The following KANTR variants were observed in gnomAD, a reference collection of about 807,000 sequenced individuals.
The protein encoded by KANTR is KDM5C adjacent transcript.
chrX:53,107,992 C>T (rs1932975441), intron 2 of KANTR, among the ~76,000 whole-genome samples: 1 of 108,786 alleles, frequency 9.2e-6, no homozygotes. Flanking sequence ...TGGGTTCAAG[C>T]GATTCTCCTG....
In KANTR at chrX:53,098,073, AAG is replaced by A. The variant is rs1315052079; in HGVS notation, c.-941-1397_-941-1396del. 1.9e-4 allele frequency among the ~76,000 whole-genome samples: 21 copies of A among 108,119 alleles called. No homozygotes were observed. The South Asian group carries it at 2.0e-3, about 10-fold the overall frequency. 93.9% of individuals were successfully genotyped at this position (108,119 alleles called of 115,157 possible). ...CTCAAAAAAAAAAAAAAAAAAAAGA[AAG>A]AAAGAAATTATATAATTACAGTGTA... On this transcript the variant is annotated intron_variant, in intron 1 of 2. Transcript: ENST00000604062.
chrX:53,124,182 G>C, exon 3 of KANTR: 1 of 292,162 alleles, frequency 3.4e-6, no homozygotes. Context: ...TAAGATAACA[G>C]TTTTCTAGGA....
chrX:53,123,619 C>CTT (rs1933254546), exon 3 of KANTR: 1 of 111,085 alleles, frequency 9.0e-6, no homozygotes, highest in African/African-American at 3.3e-5. Context: ...GAAGCCCCTC[C>CTT]TTGGCCTCCC....
intron 2 of KANTR, among the ~76,000 whole-genome samples, chrX:53,111,257 A>T (rs1215914533): frequency 9.1e-6 from 1 of 109,564 alleles, no homozygotes; most frequent in East Asian, 2.9e-4. Flanking sequence ...CTTGAACTCA[A>T]GCAGTCCTCC....
intron 1 of KANTR, chrX:53,094,636 C>G (rs1268523146): frequency 1.8e-5 from 2 of 111,584 alleles, no homozygotes; most frequent in African/African-American, 3.3e-5. Context: ...TGTCTCTGTC[C>G]CACTTTTTGA....
At chrX:53,095,305 C>T (rs782582937) in intron 1 of KANTR, among the ~76,000 whole-genome samples, 6 of 111,948 alleles carry the variant, frequency 5.4e-5, no homozygotes, top group South Asian at 7.4e-4. Context: ...TATTTCCATC[C>T]TGAAATCCTT....
exon 3 of KANTR, chrX:53,124,206 G>T: frequency 1.4e-5 from 4 of 279,043 alleles, no homozygotes; most frequent in Non-Finnish European, 2.5e-5. Context: ...GGTCCATTTT[G>T]TCTGCATTTT....
intron 2 of KANTR, among the ~76,000 whole-genome samples, chrX:53,106,026 T>G (rs1556812749): frequency 9.6e-6 from 1 of 104,472 alleles, no homozygotes; most frequent in Non-Finnish European, 1.9e-5. Flanking sequence ...CCCAGCTAAT[T>G]TTTTGTATTT....
chrX:53,098,961 G>C (rs782129437), intron 1 of KANTR, among the ~76,000 whole-genome samples: 1 of 111,175 alleles, frequency 9.0e-6, no homozygotes, highest in Non-Finnish European at 1.9e-5. Context: ...CTGGCCTCAA[G>C]TAATCCTCCT....
downstream of KANTR, among the ~76,000 whole-genome samples, chrX:53,144,877 A>T (rs1933552016): frequency 8.9e-6 from 1 of 111,928 alleles, no homozygotes; most frequent in East Asian, 2.8e-4. Context: ...TGTAAATCTC[A>T]GTTCAGCCAC....
At chrX:53,134,651 A>AT (rs1485479108) in intron 2 of KANTR, among the ~76,000 whole-genome samples, 1 of 112,082 alleles carries the variant, frequency 8.9e-6, no homozygotes, top group Non-Finnish European at 1.9e-5. Context: ...ATCAGAACAC[A>AT]TAGAATAAAA....
At chrX:53,097,211 A>G (rs1932850757) in intron 1 of KANTR, among the ~76,000 whole-genome samples, 1 of 110,205 alleles carries the variant, frequency 9.1e-6, no homozygotes, top group African/African-American at 3.3e-5. Flanking sequence ...TTCCCTGAAC[A>G]CTCTGTCCTC....
intron 2 of KANTR, among the ~76,000 whole-genome samples, chrX:53,137,344 G>A (rs1017692293): frequency 9.0e-6 from 1 of 111,680 alleles, no homozygotes; most frequent in African/African-American, 3.3e-5. Context: ...TTAGCATGGT[G>A]TATTTTTCTA....
downstream of KANTR, among the ~76,000 whole-genome samples, chrX:53,130,128 A>G: frequency 9.0e-6 from 1 of 111,489 alleles, no homozygotes; most frequent in Middle Eastern, 4.6e-3. Flanking sequence ...TGGCCTCCCA[A>G]AGTGCTGGGA....
intron 2 of KANTR, among the ~76,000 whole-genome samples, chrX:53,137,582 T>G (rs998865195): frequency 1.8e-5 from 2 of 109,819 alleles, no homozygotes; most frequent in African/African-American, 6.6e-5. Flanking sequence ...CTAACCAACA[T>G]GGAGAAAGCC....
exon 3 of KANTR, chrX:53,142,316 G>GTTTTTT: frequency 9.8e-6 from 1 of 102,214 alleles, no homozygotes; most frequent in Non-Finnish European, 1.9e-5. Flanking sequence ...TTCTGTGTAT[G>GTTTTTT]TTTTTTTTTT....
intron 2 of KANTR, among the ~76,000 whole-genome samples, chrX:53,136,151 C>A (rs1556817578): frequency 8.9e-6 from 1 of 112,125 alleles, no homozygotes; most frequent in East Asian, 2.8e-4. Context: ...GTTGACCTAA[C>A]CAACACTATT....
chrX:53,136,402 C>T (rs1933420210), intron 2 of KANTR, among the ~76,000 whole-genome samples: 1 of 106,708 alleles, frequency 9.4e-6, no homozygotes, highest in Non-Finnish European at 1.9e-5. Flanking sequence ...CCACGCCTGG[C>T]TGATTTTGTA....
intron 2 of KANTR, among the ~76,000 whole-genome samples, chrX:53,110,713 A>G (rs1933022674): frequency 9.0e-6 from 1 of 111,618 alleles, no homozygotes. Context: ...TCACAAGGTC[A>G]GGAGTTTGAG....
Sources: gnomAD v4.1 joint callset for allele counts (sites outside exome capture counted in the v4.1 genomes callset) on GRCh38, gnomAD v4.1.1 for gene constraint, MANE v1.5 for transcripts, NCBI Gene and HGNC (gene_info 2026-07-23, HGNC 2026-07-21) for gene names.